Variants in NPAS3 observed in about 807,000 individuals in gnomAD.
NPAS3 encodes the protein neuronal PAS domain protein 3, also known as neuronal PAS domain-containing protein 3.
NPAS3 carries 14 observed loss-of-function variants against 73.1 expected under a neutral mutation model. The ratio of observed to expected loss-of-function variants is 0.19; its 90% CI spans 0.13 to 0.30. The LOEUF (loss-of-function observed/expected upper bound fraction) is 0.30, where lower values mean the gene tolerates loss of function less well. NPAS3 is among the 10% of genes least tolerant of loss of function. The pLI is 1.00. For missense variants in NPAS3, 1,096 were observed against 1,250.0 expected (o/e 0.88, Z 1.86); for synonymous variants, 620 against 541.5 (o/e 1.14, Z -2.01).
chr14:33,677,304 T>G (rs2059796972), intron 6 of NPAS3, among the ~76,000 whole-genome samples: 1 of 152,172 alleles, frequency 6.6e-6, no homozygotes, highest in African/African-American at 2.4e-5. Flanking sequence ...TGTGGTGGAG[T>G]GCTTGGCCAA....
Position 33,737,257 on chromosome 14 carries a change from G to A in NPAS3, c.852+1925G>A, listed in dbSNP as rs191719580. Among the ~76,000 whole-genome samples the A allele has an allele frequency of 5.3e-5, 8 of 152,238 alleles. No homozygotes were observed. The East Asian group carries it at 1.5e-3, about 29-fold the overall frequency. ...AAAGGTCACGCTGAGGAGGCGGGAT[G>A]TCACCTATGAGTGGTAAATGAGAAG... On this transcript the variant is annotated intron_variant, in intron 7 of 11. Transcript: ENST00000356141.
intron 9 of NPAS3, among the ~76,000 whole-genome samples, chr14:33,791,522 C>T (rs1359609432): frequency 6.6e-6 from 1 of 152,200 alleles, no homozygotes; most frequent in African/African-American, 2.4e-5. Context: ...ACCATACGGT[C>T]CCTTAGCAAA....
chr14:33,695,345 A>G (rs1349828896), intron 6 of NPAS3, among the ~76,000 whole-genome samples: 1 of 152,202 alleles, frequency 6.6e-6, no homozygotes, highest in African/African-American at 2.4e-5. Context: ...TTGTTGTATA[A>G]CAACGTTAGT....
At chr14:32,953,921 A>G (rs865790265) in intron 1 of NPAS3, among the ~76,000 whole-genome samples, 3 of 152,214 alleles carry the variant, frequency 2.0e-5, no homozygotes, top group Non-Finnish European at 2.9e-5. Context: ...TACAGCCTTA[A>G]TTAGGCCTTA....
chr14:33,668,073 G>A (rs192092228), intron 5 of NPAS3, among the ~76,000 whole-genome samples: 63 of 152,308 alleles, frequency 4.1e-4, no homozygotes, highest in African/African-American at 1.4e-3. Flanking sequence ...TTCAAACACA[G>A]CTGCAATAGC....
intron 2 of NPAS3, chr14:33,214,285 G>C (rs556985284): frequency 6.6e-6 from 1 of 152,248 alleles, no homozygotes; most frequent in East Asian, 1.9e-4. Flanking sequence ...AGTTGTGCCA[G>C]ATTCTGCCCT....
chr14:33,223,659 A>G (rs1263911357), intron 3 of NPAS3, among the ~76,000 whole-genome samples: 3 of 152,194 alleles, frequency 2.0e-5, no homozygotes, highest in African/African-American at 7.2e-5. Flanking sequence ...AGACTATTTG[A>G]GACTAATAGT....
intron 2 of NPAS3, among the ~76,000 whole-genome samples, chr14:33,141,605 C>T (rs578259509): frequency 6.6e-6 from 1 of 152,224 alleles, no homozygotes; most frequent in African/African-American, 2.4e-5. Context: ...TAGCGTGTCT[C>T]ATATCATTAA....
intron 4 of NPAS3, among the ~76,000 whole-genome samples, chr14:33,519,837 C>G (rs1256295372): frequency 1.3e-5 from 2 of 152,118 alleles, no homozygotes; most frequent in African/African-American, 2.4e-5. Context: ...ACTAATTTTT[C>G]TCCACTGAGA....
At chr14:33,007,362 A>T (rs1158390712) in intron 1 of NPAS3, among the ~76,000 whole-genome samples, 1 of 152,204 alleles carries the variant, frequency 6.6e-6, no homozygotes, top group East Asian at 1.9e-4. Context: ...AGGCTATAGG[A>T]GGTACATCAT....
rs957426320 is a variant in NPAS3, at chr14:33,381,000, C to CT, written c.468+13745dup. ...AATTGACCTAAAGAAACAGAAAATT[C>CT]TTTTTTTTTTTTTGTAAGTGGGAAG... On this transcript the variant is annotated intron_variant, in intron 4 of 11. Transcript: ENST00000356141. Among the ~76,000 whole-genome samples the CT allele has an allele frequency of 7.7e-3, 1,091 of 141,930 alleles. 7 individuals carry two copies. The highest frequency in any genetic ancestry group is 0.017 in the African/African-American group (672 of 38,868). The allele number at this position is 141,930 out of a possible 152,430, so 93.1% of individuals were successfully genotyped here.
At chr14:33,113,071 C>G (rs1312634247) in intron 2 of NPAS3, among the ~76,000 whole-genome samples, 4 of 152,162 alleles carry the variant, frequency 2.6e-5, no homozygotes, top group Non-Finnish European at 5.9e-5. Flanking sequence ...TTACTGTAGC[C>G]TTGTAGTATA....
intron 8 of NPAS3, among the ~76,000 whole-genome samples, chr14:33,777,762 G>A (rs757604718): frequency 6.6e-6 from 1 of 152,140 alleles, no homozygotes; most frequent in Non-Finnish European, 1.5e-5. Flanking sequence ...GGACATCGAC[G>A]TCTGGACAGT....
intron 7 of NPAS3, among the ~76,000 whole-genome samples, chr14:33,747,039 A>G (rs2061827265): frequency 6.6e-6 from 1 of 152,092 alleles, no homozygotes; most frequent in African/African-American, 2.4e-5. Context: ...GCAATTCCTC[A>G]GGGATCTAGA....
chr14:33,716,769 A>T (rs552942444), intron 6 of NPAS3, among the ~76,000 whole-genome samples: 1 of 151,858 alleles, frequency 6.6e-6, no homozygotes, highest in East Asian at 1.9e-4. Context: ...CCCTTCTTTT[A>T]GTCTGCATGT....
chr14:33,456,742 T>G (rs991137171), intron 4 of NPAS3, among the ~76,000 whole-genome samples: 1 of 152,158 alleles, frequency 6.6e-6, no homozygotes, highest in African/African-American at 2.4e-5. Flanking sequence ...TACTGATCTC[T>G]GTGTGGAAGG....
At chr14:33,389,344 G>C (rs537774519) in intron 4 of NPAS3, among the ~76,000 whole-genome samples, 1 of 152,230 alleles carries the variant, frequency 6.6e-6, no homozygotes, top group African/African-American at 2.4e-5. Flanking sequence ...AGATCTGTTT[G>C]AAACCAGCTT....
chr14:33,023,430 C>G (rs2039680186), intron 1 of NPAS3, among the ~76,000 whole-genome samples: 1 of 151,992 alleles, frequency 6.6e-6, no homozygotes, highest in African/African-American at 2.4e-5. Context: ...ATCTTATTTC[C>G]TAATTTGACT....
At chr14:33,328,493 G>T (rs1161467848) in intron 3 of NPAS3, among the ~76,000 whole-genome samples, 2 of 69,600 alleles carry the variant, frequency 2.9e-5, no homozygotes, top group Non-Finnish European at 2.7e-5. Context: ...TTGAGACAGA[G>T]TCTCGCTCTG....
Sources: gnomAD v4.1 joint callset for allele counts (sites outside exome capture counted in the v4.1 genomes callset) on GRCh38, gnomAD v4.1.1 for gene constraint, MANE v1.5 for transcripts, NCBI Gene and HGNC (gene_info 2026-07-23, HGNC 2026-07-21) for gene names.